Variants in PBRM1 observed in about 807,000 individuals in gnomAD.
PBRM1 encodes the protein protein polybromo-1.
Under a neutral mutation model 194.5 loss-of-function variants are expected in PBRM1, and 27 were observed. The observed-to-expected ratio is 0.14, with a 90% CI of 0.10 to 0.19. The LOEUF (loss-of-function observed/expected upper bound fraction) is 0.19. PBRM1 is among the 10% of genes least tolerant of loss of function. The pLI is 1.00. For missense variants in PBRM1, 1,466 were observed against 2,077.2 expected, an observed-to-expected ratio of 0.71 and a Z score of 5.72; for synonymous variants, 655 against 693.2, an observed-to-expected ratio of 0.94 and a Z score of 0.87.
chr3:52,683,704 G>A (rs1288327131), upstream of PBRM1, among the ~76,000 whole-genome samples: 1 of 137,458 alleles, frequency 7.3e-6, no homozygotes, highest in African/African-American at 2.7e-5. Context: ...TGTAATCCCA[G>A]GCACTCGAGA....
chr3:52,547,839 CATATGCAAAAAA>C (rs555916669), downstream of PBRM1: 1 of 434,328 alleles, frequency 2.3e-6, no homozygotes, highest in South Asian at 3.5e-5. Flanking sequence ...ACGAAGGAAA[CATATGCAAAAAA>C]ATCTTTGTGT....
rs13083798 is a variant in PBRM1, at chr3:52,615,732, A to G, written c.1819-276T>C. Among the ~76,000 whole-genome samples the G allele has an allele frequency of 0.51, 77,511 of 151,874 alleles. 20,087 individuals carry two copies. The highest frequency in any genetic ancestry group is 0.59 in the Admixed American group (9,055 of 15,268). On this transcript the variant is annotated intron_variant, in intron 14 of 29. Transcript: ENST00000296302. ...AGTAGAATCACTGCAGGTTTTAACA[A>G]AAGTCCTGAAACACATTTACATGTG...
intron 19 of PBRM1, 60 bp from the exon 22 acceptor site, chr3:52,586,748 CAAAAAAAA>C (rs35352950): frequency 2.2e-5 from 4 of 183,910 alleles, no homozygotes; most frequent in East Asian, 1.3e-4. Flanking sequence ...GAAAATCAAT[CAAAAAAAA>C]AAAAAAAAAA....
chr3:52,642,113 C>A lies in PBRM1; in HGVS notation c.996-68G>T, dbSNP rs2096116138. 79 of 826,598 alleles carry A rather than the reference C, an allele frequency of 9.6e-5. 1 individual carries two copies. In the South Asian group the frequency reaches 1.1e-3, roughly 11 times the overall value. 51.2% of individuals were successfully genotyped at this position (826,598 alleles called of 1,614,324 possible). ...AATAATTAGGTTACTTTACAGGGAA[C>A]AGGAACTATTAACAAAGTGTTAAGA... On this transcript the variant is annotated intron_variant, in intron 9 of 29. Coordinates refer to ENST00000296302, the Ensembl canonical transcript of PBRM1.
intron 5 of PBRM1, among the ~76,000 whole-genome samples, chr3:52,653,605 A>G (rs1158747654): frequency 4.7e-5 from 7 of 150,026 alleles, no homozygotes; most frequent in Non-Finnish European, 8.9e-5. Flanking sequence ...AAAAAAAAAG[A>G]AAGAAAGAAA....
chr3:52,580,612 T>C (rs761829815), intron 20 of PBRM1, among the ~76,000 whole-genome samples: 2 of 152,180 alleles, frequency 1.3e-5, no homozygotes, highest in Non-Finnish European at 2.9e-5. Flanking sequence ...TCCACCCGCC[T>C]TGGCCTCCCA....
intron 11 of PBRM1, among the ~76,000 whole-genome samples, chr3:52,631,308 T>TAA (rs200044287): frequency 1.1e-4 from 15 of 139,508 alleles, no homozygotes; most frequent in African/African-American, 3.9e-4. Flanking sequence ...CTTTCTCTAT[T>TAA]AAAAAAAAAA....
At chr3:52,641,131 G>A (rs1370136617) in intron 10 of PBRM1, among the ~76,000 whole-genome samples, 1 of 152,006 alleles carries the variant, frequency 6.6e-6, no homozygotes, top group Non-Finnish European at 1.5e-5. Context: ...TTAAAAACAA[G>A]ATACAACTGG....
At chr3:52,578,438 C>T (rs891479280) in intron 21 of PBRM1, among the ~76,000 whole-genome samples, 1 of 152,164 alleles carries the variant, frequency 6.6e-6, no homozygotes, top group African/African-American at 2.4e-5. Context: ...AAATCATTCA[C>T]CTAAGGACCT....
intron 13 of PBRM1, among the ~76,000 whole-genome samples, chr3:52,622,320 A>G (rs1266826287): frequency 4.0e-5 from 6 of 151,330 alleles, no homozygotes; most frequent in African/African-American, 1.2e-4. Context: ...CCTGGGAGAC[A>G]GGGAGAGACT....
intron 2 of PBRM1, among the ~76,000 whole-genome samples, chr3:52,674,594 A>T (rs1373057058): frequency 6.9e-6 from 1 of 145,426 alleles, no homozygotes; most frequent in East Asian, 2.0e-4. Context: ...GTTTGAGACC[A>T]GCCTGGGCAA....
At chr3:52,627,343 C>G (rs2153580088) in exon 13 of PBRM1, 1 of 1,613,544 alleles carries the variant, frequency 6.2e-7, no homozygotes. Context: ...TCGATATCGT[C>G]TCTCCTGGCA....
intron 2 of PBRM1, among the ~76,000 whole-genome samples, chr3:52,674,643 A>AT (rs1553892218): frequency 0.013 from 915 of 72,204 alleles, 5 homozygotes; most frequent in East Asian, 0.042. Flanking sequence ...AAAAAAAAAA[A>AT]ATATATATAT....
At chr3:52,557,756 T>A (rs1043629436) in intron 26 of PBRM1, among the ~76,000 whole-genome samples, 1 of 152,154 alleles carries the variant, frequency 6.6e-6, no homozygotes, top group Non-Finnish European at 1.5e-5. Flanking sequence ...GTCATGCACA[T>A]TGGTGACCAA....
chr3:52,637,773 C>CAAAAAAAAAAAAAAAAAAAAAA lies in PBRM1; in HGVS notation c.1088-2980_1088-2959dup, dbSNP rs755241328. 5.3e-3 allele frequency among the ~76,000 whole-genome samples: 225 copies of CAAAAAAAAAAAAAAAAAAAAAA among 42,218 alleles called. 29 individuals are homozygous for CAAAAAAAAAAAAAAAAAAAAAA. Among genetic ancestry groups the CAAAAAAAAAAAAAAAAAAAAAA allele is most frequent in the Non-Finnish European group, 9.3e-3 (176 of 18,904 alleles). 27.7% of individuals were successfully genotyped at this position (42,218 alleles called of 152,430 possible). A position where few individuals can be genotyped will look rare whatever the true frequency, so the allele number is the denominator to read the frequency against. The stretch of plus-strand genomic sequence containing the variant: ...CAAAACCATGTCTCTACTAAAAATA[C>CAAAAAAAAAAAAAAAAAAAAAA]AAAAAAAAAAAAAAAAAAAAAAAAT... On this transcript the variant is annotated intron_variant, in intron 10 of 29. Coordinates refer to ENST00000296302, the Ensembl canonical transcript of PBRM1.
At chr3:52,659,858 G>C (rs1234535502) in intron 4 of PBRM1, among the ~76,000 whole-genome samples, 1 of 152,222 alleles carries the variant, frequency 6.6e-6, no homozygotes, top group East Asian at 1.9e-4. Context: ...TTGGGAAGGT[G>C]AAGTGGGAGG....
chr3:52,661,580 G>T (rs2096726178), intron 4 of PBRM1, among the ~76,000 whole-genome samples: 1 of 152,142 alleles, frequency 6.6e-6, no homozygotes, highest in South Asian at 2.1e-4. Flanking sequence ...GAGATAGGGT[G>T]GTCAGGAAAG....
intron 20 of PBRM1, 124 bp from the exon 23 acceptor site, chr3:52,579,323 CT>C: frequency 3.5e-6 from 3 of 855,616 alleles, no homozygotes; most frequent in African/African-American, 1.7e-5. Flanking sequence ...GGTTACGTGG[CT>C]CACGTAATCC....
chr3:52,641,948 G>A lies in PBRM1; in HGVS notation c.1087+6C>T. 1 of 1,560,904 alleles carries A rather than the reference G, an allele frequency of 6.4e-7. No individual in the cohort carries two copies. Among genetic ancestry groups the A allele is most frequent in the Non-Finnish European group, 8.8e-7 (1 of 1,131,598 alleles). On this transcript the variant is annotated splice_donor_region_variant and intron_variant, in intron 10 of 29. Transcript: ENST00000296302. ...GGCATTTCGCTAGTCAAAACCTAAT[G>A]CCTACCAGCTAAAGCAGCATCTTCT...
Sources: gnomAD v4.1 joint callset for allele counts (sites outside exome capture counted in the v4.1 genomes callset) on GRCh38, gnomAD v4.1.1 for gene constraint, MANE v1.5 for transcripts, NCBI Gene and HGNC (gene_info 2026-07-23, HGNC 2026-07-21) for gene names.